SLC36A4: variants seen among roughly 807,000 people sequenced by gnomAD.
The protein encoded by SLC36A4 is solute carrier family 36 member 4.
Under a neutral mutation model 50.5 loss-of-function variants are expected in SLC36A4, and 49 were observed. The observed-to-expected ratio is 0.97, with a 90% CI of 0.77 to 1.23. The LOEUF is 1.23. SLC36A4 is among the 50% of genes most tolerant of loss of function. SLC36A4 has a pLI of 0.00. For missense variants in SLC36A4, 611 were observed against 608.4 expected (o/e 1.00, Z -0.05); for synonymous variants, 207 against 206.5 (o/e 1.00, Z -0.02).
At chr11:93,191,299 C>T (rs555197653) in intron 1 of SLC36A4, among the ~76,000 whole-genome samples, 43 of 152,216 alleles carry the variant, frequency 2.8e-4, no homozygotes, top group African/African-American at 1.0e-3. Flanking sequence ...AGCTTTTAGC[C>T]CTGGCATTGG....
At position 93,184,448 on chromosome 11, in the gene SLC36A4, T is replaced by G; in HGVS notation, c.252A>C (p.Ile84=). 1 of 1,608,846 alleles carries G rather than the reference T, an allele frequency of 6.2e-7. No homozygotes were observed. Among genetic ancestry groups the G allele is most frequent in the Admixed American group, 1.7e-5 (1 of 59,942 alleles). The change falls in exon 3 of 11, where the codon ATA becomes ATC. Residue 84 remains isoleucine (I), a synonymous_variant. Transcript: ENST00000326402. ...GTGLLGLPLA[I]KNAGIVLGPI... ...GTCTTACCACTATGCCTGCATTTTT[T>G]ATTGCCAATGGAAGTCCTAAAAGGC...
chr11:93,171,659 T>G (rs1373217544), intron 6 of SLC36A4: 1 of 152,054 alleles, frequency 6.6e-6, no homozygotes, highest in Non-Finnish European at 1.5e-5. Flanking sequence ...AGATAGGTAT[T>G]CAAATAGATA....
chr11:93,182,394 A>G (rs1270357162), intron 4 of SLC36A4: 1 of 211,756 alleles, frequency 4.7e-6, no homozygotes, highest in Non-Finnish European at 8.2e-6. Flanking sequence ...ATTTCATGAT[A>G]CAAAAATAAA....
In SLC36A4 at chr11:93,163,778, G is replaced by A. The variant is rs186123387; in HGVS notation, c.868-903C>T. ...GGAGGAGGGTTTCTAGGATTCTCAT[G>A]TATGTATGTATGTATGTATGTATGT... On this transcript the variant is annotated intron_variant, in intron 8 of 10. Coordinates refer to ENST00000326402, the MANE Select transcript of SLC36A4 (RefSeq NM_152313.4). 3.3e-5 allele frequency among the ~76,000 whole-genome samples: 5 copies of A among 151,610 alleles called. No homozygotes were observed. The East Asian group carries it at 5.8e-4, about 18-fold the overall frequency.
chr11:93,197,539 C>T (rs1862480296), intron 1 of SLC36A4: 1 of 544,058 alleles, frequency 1.8e-6, no homozygotes, highest in South Asian at 2.2e-5. Context: ...CTCACCCACA[C>T]GCGCGCGCGC....
chr11:93,197,614 G>A (rs1271728211), intron 1 of SLC36A4, among the ~76,000 whole-genome samples, 164 bp downstream of exon 1: 1 of 152,048 alleles, frequency 6.6e-6, no homozygotes, highest in Non-Finnish European at 1.5e-5. Flanking sequence ...AAGTTCTCGG[G>A]GTCAGATAAC....
In SLC36A4 at chr11:93,182,841, G is replaced by T; in HGVS notation, c.324C>A (p.His108Gln). Residue 108 changes from histidine to glutamine, a missense_variant, in exon 4 of 11, where the codon CAC becomes CAA. Physicochemically the swap from His to Gln is conservative, Grantham distance 24. Coordinates refer to ENST00000326402, the MANE Select transcript of SLC36A4 (RefSeq NM_152313.4). ...FIGIISVHCM[H>Q]ILVRCSHFLC... ...GAAAGTGACTGCAACGTACCAATATGTGCATACAGTGAACAGAAATAATTC... is the reference window on the plus strand; with the variant it reads ...GAAAGTGACTGCAACGTACCAATATTTGCATACAGTGAACAGAAATAATTC... 2.5e-6 allele frequency: 4 copies of T among 1,612,904 alleles called. No individual in the cohort carries two copies. The highest frequency in any genetic ancestry group is 3.4e-6 in the Non-Finnish European group (4 of 1,179,376).
At position 93,196,625 on chromosome 11, in the gene SLC36A4, T is replaced by A. The variant is rs189082550; in HGVS notation, c.55+1153A>T. ...TTGTGATGATCCGGCCGCCTCAGCC[T>A]CCCAAAGTGCTGGGATTACAGGCGT... On this transcript the variant is annotated intron_variant, in intron 1 of 10. Transcript: ENST00000326402. Among the ~76,000 whole-genome samples the A allele has an allele frequency of 7.3e-3, 1,110 of 152,294 alleles. 11 individuals are homozygous for A. The highest frequency in any genetic ancestry group is 0.025 in the African/African-American group (1,034 of 41,562).
chr11:93,152,893 T>G (rs1860161617), intron 10 of SLC36A4: 1 of 152,156 alleles, frequency 6.6e-6, no homozygotes. Context: ...TGTATAAAAA[T>G]ACTTCAAAAT....
intron 9 of SLC36A4, among the ~76,000 whole-genome samples, chr11:93,161,431 C>A (rs1040668891): frequency 6.6e-6 from 1 of 152,108 alleles, no homozygotes; most frequent in Non-Finnish European, 1.5e-5. Context: ...TTTATGTTAG[C>A]TGAAGTTAAA....
At chr11:93,181,183 T>TTCA (rs1313145277) in intron 5 of SLC36A4, among the ~76,000 whole-genome samples, 1 of 151,970 alleles carries the variant, frequency 6.6e-6, no homozygotes, top group African/African-American at 2.4e-5. Flanking sequence ...TAGTCCTGTA[T>TTCA]TCATCTTACT....
intron 6 of SLC36A4, chr11:93,171,403 T>C (rs545075102): frequency 1.3e-5 from 2 of 152,164 alleles, no homozygotes; most frequent in East Asian, 3.9e-4. Context: ...CAATGTCCCA[T>C]GGGGTGATTA....
At chr11:93,194,811 A>G (rs574772454) in intron 1 of SLC36A4, among the ~76,000 whole-genome samples, 1 of 152,248 alleles carries the variant, frequency 6.6e-6, no homozygotes, top group Admixed American at 6.5e-5. Context: ...ACATTTCCAG[A>G]CCAGACCTTT....
chr11:93,162,599 A>C (rs1331727647), intron 9 of SLC36A4, 107 bp downstream of exon 9: 3 of 1,008,026 alleles, frequency 3.0e-6, no homozygotes, highest in Non-Finnish European at 4.2e-6. Flanking sequence ...AATCACAGTA[A>C]AAATTTTAAA....
At chr11:93,150,199 G>A (rs768433651) in intron 10 of SLC36A4, among the ~76,000 whole-genome samples, 6 of 151,968 alleles carry the variant, frequency 3.9e-5, no homozygotes, top group Non-Finnish European at 5.9e-5. Context: ...TCATATACAG[G>A]CTGTGACAAG....
chr11:93,170,013 C>A (rs1425757625), intron 6 of SLC36A4: 2 of 151,854 alleles, frequency 1.3e-5, no homozygotes, highest in Non-Finnish European at 2.9e-5. Context: ...AAAATTAATT[C>A]TATCACAAAT....
rs1372331430 is a variant in SLC36A4 at position 93,165,992 on chromosome 11, G to A, written c.793C>T (p.Pro265Ser). ...TATTTCTTCCAACCAGCCACTATTG[G>A]AAGGTTGTGGGGATCTGGCATGTTC... is the stretch of plus-strand genomic sequence containing the variant. ...VRNMPDPHNL[P>S]IVAGWKKYPL... The change falls in exon 8 of 11, where the codon CCA becomes TCA. Residue 265 changes from proline to serine, a missense_variant. Physicochemically the swap from Pro to Ser is moderately conservative, Grantham distance 74. Transcript: ENST00000326402. 6.2e-7 allele frequency: 1 copy of A among 1,610,698 alleles called. No individual in the cohort carries two copies. The highest frequency in any genetic ancestry group is 1.3e-5 in the African/African-American group (1 of 74,836).
chr11:93,160,765 A>AC (rs1421590558), intron 9 of SLC36A4: 2 of 971,914 alleles, frequency 2.1e-6, no homozygotes, highest in African/African-American at 3.5e-5. Context: ...ATTTCCATGT[A>AC]CCTTTTACAT....
intron 6 of SLC36A4, among the ~76,000 whole-genome samples, chr11:93,174,571 G>A (rs375635268): frequency 6.7e-6 from 1 of 148,244 alleles, no homozygotes; most frequent in African/African-American, 2.5e-5. Context: ...TCAGTATGAT[G>A]TTGGCTGTGG....
Sources: gnomAD v4.1 joint callset for allele counts (sites outside exome capture counted in the v4.1 genomes callset) on GRCh38, gnomAD v4.1.1 for gene constraint, MANE v1.5 for transcripts, NCBI Gene and HGNC (gene_info 2026-07-23, HGNC 2026-07-21) for gene names.